MRRF: variants seen among roughly 807,000 people sequenced by gnomAD.
MRRF encodes ribosome-recycling factor, mitochondrial.
MRRF carries 18 observed loss-of-function variants against 25.1 expected under a neutral mutation model. The observed-to-expected ratio is 0.72, with a 90% CI of 0.50 to 1.06. MRRF has a LOEUF of 1.06. Ranked by LOEUF, MRRF falls within the 50% of genes least tolerant of loss-of-function variation. The pLI, the probability that MRRF is intolerant of heterozygous loss-of-function variation, is 0.00. For missense variants in MRRF, 323 were observed against 319.3 expected (o/e 1.01, Z -0.09); for synonymous variants, 113 against 112.1 (o/e 1.01, Z -0.05).
At chr9:122,281,544 G>T (rs1354105071) in intron 3 of MRRF, among the ~76,000 whole-genome samples, 3 of 152,200 alleles carry the variant, frequency 2.0e-5, no homozygotes, top group Non-Finnish European at 2.9e-5. Context: ...CAACCTTTGG[G>T]CTGGGGCATT....
intron 4 of MRRF, among the ~76,000 whole-genome samples, chr9:122,290,233 C>T (rs569706135): frequency 6.6e-6 from 1 of 152,250 alleles, no homozygotes; most frequent in East Asian, 1.9e-4. Flanking sequence ...GGATGGGAGT[C>T]CTCAAACCAT....
At chr9:122,310,026 T>A (rs1452111886) in intron 5 of MRRF, among the ~76,000 whole-genome samples, 2 of 152,256 alleles carry the variant, frequency 1.3e-5, no homozygotes, top group African/African-American at 4.8e-5. Context: ...CAGTTTACAT[T>A]TCCTGAGTGT....
chr9:122,297,165 T>C (rs150656777), intron 5 of MRRF, among the ~76,000 whole-genome samples: 123 of 152,186 alleles, frequency 8.1e-4, no homozygotes, highest in Admixed American at 3.5e-3. Flanking sequence ...ATACAAAAAT[T>C]AGCTGGGCAT....
chr9:122,285,749 G>A (rs1441377444), intron 4 of MRRF: 4 of 1,253,296 alleles, frequency 3.2e-6, no homozygotes, highest in Non-Finnish European at 4.1e-6. Context: ...TTCTGTAAAT[G>A]TTGATGACTA....
At chr9:122,265,786 C>T in intron 1 of MRRF, 1 of 1,284,766 alleles carries the variant, frequency 7.8e-7, no homozygotes, top group Non-Finnish European at 1.0e-6. Flanking sequence ...ATAAGGTAGG[C>T]ATACTGGAAT....
chr9:122,318,384 A>G (rs1835669771), intron 6 of MRRF, among the ~76,000 whole-genome samples: 1 of 152,240 alleles, frequency 6.6e-6, no homozygotes. Flanking sequence ...GGCAGAAGCC[A>G]CCAGTAAATC....
intron 5 of MRRF, among the ~76,000 whole-genome samples, chr9:122,305,161 A>G (rs1160525786): frequency 6.6e-6 from 1 of 152,090 alleles, no homozygotes; most frequent in Non-Finnish European, 1.5e-5. Context: ...TTGTAATCCC[A>G]GCATCTTGGG....
intron 6 of MRRF, among the ~76,000 whole-genome samples, chr9:122,318,651 A>AT (rs1292979142): frequency 6.6e-6 from 1 of 152,160 alleles, no homozygotes; most frequent in Non-Finnish European, 1.5e-5. Flanking sequence ...ATTTTCCTGA[A>AT]TTTGTAAGTA....
intron 3 of MRRF, among the ~76,000 whole-genome samples, chr9:122,281,781 G>C (rs769159978): frequency 5.9e-5 from 9 of 152,188 alleles, no homozygotes; most frequent in Non-Finnish European, 1.3e-4. Context: ...AACTTAAAAA[G>C]ATGATGGGCC....
intron 5 of MRRF, among the ~76,000 whole-genome samples, chr9:122,292,278 G>A (rs1159607010): frequency 2.0e-5 from 3 of 152,150 alleles, no homozygotes; most frequent in East Asian, 3.8e-4. Flanking sequence ...AACCAGCCTA[G>A]GGGAGAGCAT....
intron 4 of MRRF, among the ~76,000 whole-genome samples, chr9:122,291,434 CCCTT>C (rs1362349461): frequency 6.6e-6 from 1 of 152,240 alleles, no homozygotes; most frequent in Non-Finnish European, 1.5e-5. Flanking sequence ...CAGCCCCCCT[CCCTT>C]GAGGATTTAT....
chr9:122,278,508 CCT>C (rs1251781960), intron 2 of MRRF, among the ~76,000 whole-genome samples: 1 of 151,904 alleles, frequency 6.6e-6, no homozygotes, highest in African/African-American at 2.4e-5. Flanking sequence ...TTGTGTCTGG[CCT>C]CTGTGTTCAA....
chr9:122,309,763 C>T (rs1835092690), intron 5 of MRRF, among the ~76,000 whole-genome samples: 1 of 152,064 alleles, frequency 6.6e-6, no homozygotes, highest in African/African-American at 2.4e-5. Context: ...AATGTAGGTG[C>T]CTAGTAAGTA....
chr9:122,281,915 C>G (rs1833112608), intron 3 of MRRF, among the ~76,000 whole-genome samples: 1 of 152,072 alleles, frequency 6.6e-6, no homozygotes, highest in African/African-American at 2.4e-5. Flanking sequence ...TGCATTATGT[C>G]GATACGGATT....
At chr9:122,284,955 T>TA (rs569481751) in intron 3 of MRRF, among the ~76,000 whole-genome samples, 20 of 151,442 alleles carry the variant, frequency 1.3e-4, no homozygotes, top group Non-Finnish European at 1.5e-4. Flanking sequence ...ACCTGCTAAT[T>TA]AAAAAAAAAT....
intron 5 of MRRF, among the ~76,000 whole-genome samples, chr9:122,304,553 C>G (rs1834710006): frequency 6.6e-6 from 1 of 152,202 alleles, no homozygotes; most frequent in South Asian, 2.1e-4. Flanking sequence ...CCCAAAAGGA[C>G]AGGCTACTCT....
At chr9:122,288,429 C>T (rs1833549167) in intron 4 of MRRF, among the ~76,000 whole-genome samples, 1 of 152,164 alleles carries the variant, frequency 6.6e-6, no homozygotes, top group East Asian at 1.9e-4. Context: ...GATGAGGAAA[C>T]TGAGACTCAA....
Position 122,285,816 on chromosome 9 carries a change from A to G in MRRF, c.459+529A>G, listed in dbSNP as rs779421572. 12 of 1,282,282 alleles carry G rather than the reference A, an allele frequency of 9.4e-6. No individual in the cohort carries two copies. The South Asian group carries it at 1.4e-4, about 15-fold the overall frequency. 79.4% of individuals were successfully genotyped at this position (1,282,282 alleles called of 1,614,324 possible). On this transcript the variant is annotated intron_variant, in intron 4 of 6. Coordinates refer to ENST00000344641, the MANE Select transcript of MRRF (RefSeq NM_138777.5). ...AATAAAACAATACTTTAATGGGCCA[A>G]ATGTGGCCTGAGGGCCACCAATTTG...
chr9:122,313,420 A>G (rs376268302), intron 6 of MRRF, 34 bp downstream of exon 6: 45 of 1,606,998 alleles, frequency 2.8e-5, no homozygotes, highest in Non-Finnish European at 2.8e-5. Flanking sequence ...GTGTCTGTGT[A>G]TTCAGCATAA....
Sources: gnomAD v4.1 joint callset for allele counts (sites outside exome capture counted in the v4.1 genomes callset) on GRCh38, gnomAD v4.1.1 for gene constraint, MANE v1.5 for transcripts, NCBI Gene and HGNC (gene_info 2026-07-23, HGNC 2026-07-21) for gene names.